Variants in CNIH3 observed in about 807,000 individuals in gnomAD.
CNIH3 encodes the protein protein cornichon homolog 3.
A neutral mutation model predicts 24.1 loss-of-function variants in CNIH3; 14 were observed. The observed-to-expected ratio is 0.58, with a 90% CI of 0.38 to 0.91. CNIH3 has a LOEUF of 0.91. Ranked by LOEUF, CNIH3 falls within the 40% of genes least tolerant of loss-of-function variation. CNIH3 has a pLI of 0.00. For missense variants in CNIH3, 178 were observed against 196.8 expected (o/e 0.90, Z 0.57); for synonymous variants, 68 against 73.8 (o/e 0.92, Z 0.40).
intron 1 of CNIH3, among the ~76,000 whole-genome samples, chr1:224,452,950 G>A (rs917197098): frequency 9.3e-5 from 14 of 150,672 alleles, no homozygotes; most frequent in African/African-American, 2.7e-4. Context: ...GAGAAACCCC[G>A]TCTCTACTAA....
At chr1:224,614,030 CA>C (rs1019482866), upstream of CNIH3, among the ~76,000 whole-genome samples, 2 of 152,050 alleles carry the variant, frequency 1.3e-5, no homozygotes, top group Non-Finnish European at 2.9e-5. Flanking sequence ...AGGTGCATGC[CA>C]CCACACCCGG....
intron 2 of CNIH3, among the ~76,000 whole-genome samples, chr1:224,683,586 G>T (rs552043946): frequency 7.2e-5 from 11 of 152,328 alleles, no homozygotes; most frequent in African/African-American, 2.2e-4. Flanking sequence ...CTCTCAATGA[G>T]GGCATGAGGC....
intron 4 of CNIH3, chr1:224,574,359 T>A (rs1358359453): frequency 5.1e-6 from 2 of 389,584 alleles, no homozygotes; most frequent in Admixed American, 4.1e-5. Context: ...ACATAACTAT[T>A]TTAATATTAT....
At position 224,618,052 on chromosome 1, in the gene CNIH3, G is replaced by A. The variant is rs538683805; in HGVS notation, c.81+797G>A. Among the ~76,000 whole-genome samples, 123 of 152,330 alleles carry A rather than the reference G, an allele frequency of 8.1e-4. 1 individual carries two copies. The highest frequency in any genetic ancestry group is 2.9e-3 in the African/African-American group (120 of 41,560). ...GGGCTACGCCAGGTGGAGGGCAGCC[G>A]TGGATCCCAGTTCTTTAGGTGTGGG... is the stretch of plus-strand genomic sequence containing the variant. On this transcript the variant is annotated intron_variant, in intron 1 of 5. Transcript: ENST00000272133.
chr1:224,599,541 TTTATA>T (rs1275440946), intron 3 of CNIH3, among the ~76,000 whole-genome samples: 1 of 151,860 alleles, frequency 6.6e-6, no homozygotes, highest in East Asian at 1.9e-4. Flanking sequence ...AATTATCATA[TTTATA>T]TTATATAGAT....
At chr1:224,513,996 T>C (rs1010519938), upstream of CNIH3, 1 of 152,210 alleles carries the variant, frequency 6.6e-6, no homozygotes, top group African/African-American at 2.4e-5. Flanking sequence ...TTTGGACATT[T>C]CTTTCTACAG....
chr1:224,441,913 A>G (rs556620443), intron 1 of CNIH3, among the ~76,000 whole-genome samples: 2 of 152,336 alleles, frequency 1.3e-5, no homozygotes, highest in East Asian at 3.8e-4. Context: ...GTCATTAACA[A>G]CAAAAAGCAA....
chr1:224,614,340 T>C (rs920847855), upstream of CNIH3, among the ~76,000 whole-genome samples: 5 of 152,184 alleles, frequency 3.3e-5, no homozygotes, highest in Non-Finnish European at 7.3e-5. Flanking sequence ...TGCTCTAATT[T>C]CTCCACTTCT....
intron 3 of CNIH3, among the ~76,000 whole-genome samples, chr1:224,729,047 A>T (rs1330004041): frequency 6.6e-6 from 1 of 152,252 alleles, no homozygotes; most frequent in East Asian, 1.9e-4. Flanking sequence ...GTCAGAAAAC[A>T]TGCTGTGGGG....
At chr1:224,470,995 A>G (rs1374783526) in intron 1 of CNIH3, among the ~76,000 whole-genome samples, 1 of 152,166 alleles carries the variant, frequency 6.6e-6, no homozygotes, top group Non-Finnish European at 1.5e-5. Flanking sequence ...GTACAATTAA[A>G]TTATTTTTTA....
chr1:224,566,764 A>C (rs1680599380), intron 4 of CNIH3, among the ~76,000 whole-genome samples: 1 of 152,082 alleles, frequency 6.6e-6, no homozygotes, highest in Non-Finnish European at 1.5e-5. Flanking sequence ...TATCTAGTCT[A>C]TTATTGATGG....
intron 1 of CNIH3, among the ~76,000 whole-genome samples, chr1:224,444,208 T>C (rs1451196395): frequency 2.0e-5 from 3 of 152,146 alleles, no homozygotes; most frequent in South Asian, 2.1e-4. Flanking sequence ...TTTGAAAATA[T>C]TGCCTTAATA....
intron 4 of CNIH3, 121 bp downstream of exon 4, chr1:224,730,695 G>A (rs1196904891): frequency 1.6e-6 from 1 of 644,744 alleles, no homozygotes; most frequent in Non-Finnish European, 2.8e-6. Context: ...TCCTTTCTGG[G>A]TCTCTCTCTT....
At chr1:224,733,985 C>T (rs1254677683) in intron 4 of CNIH3, among the ~76,000 whole-genome samples, 3 of 152,226 alleles carry the variant, frequency 2.0e-5, no homozygotes, top group African/African-American at 7.2e-5. Flanking sequence ...TCCCCCTCCT[C>T]CTCTTTCCCA....
intron 1 of CNIH3, among the ~76,000 whole-genome samples, chr1:224,505,180 C>T (rs530656114): frequency 4.6e-5 from 7 of 151,734 alleles, no homozygotes; most frequent in East Asian, 1.9e-4. Flanking sequence ...TGGTAGTGCG[C>T]GCCTGTAGTC....
chr1:224,735,065 G>T (rs2005073), intron 5 of CNIH3, among the ~76,000 whole-genome samples: 15,513 of 152,146 alleles, frequency 0.1, 848 homozygotes, highest in East Asian at 0.15. Flanking sequence ...CCAGCAGGTT[G>T]CCTGTGGCCA....
chr1:224,637,006 C>T (rs1402062342), intron 1 of CNIH3, among the ~76,000 whole-genome samples: 1 of 146,928 alleles, frequency 6.8e-6, no homozygotes, highest in Non-Finnish European at 1.5e-5. Context: ...GGCTGGAGTG[C>T]AGTGGCGTGA....
intron 1 of CNIH3, among the ~76,000 whole-genome samples, chr1:224,498,562 G>A (rs1677526684): frequency 6.6e-6 from 1 of 152,188 alleles, no homozygotes; most frequent in Admixed American, 6.5e-5. Flanking sequence ...GTGATTGTGA[G>A]CTGGGGCCCT....
chr1:224,708,565 C>T (rs1687950882), intron 3 of CNIH3, among the ~76,000 whole-genome samples: 1 of 152,214 alleles, frequency 6.6e-6, no homozygotes, highest in South Asian at 2.1e-4. Context: ...TGTGCCTCTC[C>T]TTCTATTGAA....
Sources: allele counts gnomAD v4.1 joint callset (sites outside exome capture counted in the v4.1 genomes callset), GRCh38; gene constraint gnomAD v4.1.1; transcripts MANE v1.5; gene names NCBI Gene and HGNC (gene_info 2026-07-23, HGNC 2026-07-21).